SLFN5: variants seen among roughly 807,000 people sequenced by gnomAD.
The protein encoded by SLFN5 is schlafen family member 5.
In SLFN5, 34 loss-of-function variants were observed where a neutral mutation model predicts 48.5. The ratio of observed to expected loss-of-function variants is 0.70; its 90% CI spans 0.53 to 0.93. The LOEUF (loss-of-function observed/expected upper bound fraction) is 0.93. Ranked by LOEUF, SLFN5 falls within the 40% of genes least tolerant of loss-of-function variation. The probability of loss-of-function intolerance (pLI) is 0.00; values close to 1 mark genes in which losing one functional copy is unlikely to be tolerated. For synonymous variants in SLFN5, 387 were observed against 396.2 expected (o/e 0.98, Z 0.28); for missense variants, 1,006 against 1,071.3 (o/e 0.94, Z 0.85).
intron 3 of SLFN5, among the ~76,000 whole-genome samples, chr17:35,262,156 G>A (rs1904538962): frequency 3.3e-5 from 5 of 152,080 alleles, no homozygotes; most frequent in South Asian, 4.2e-4. Flanking sequence ...CAATGCAGGC[G>A]GATCACAAGG....
rs989712190 is a variant in SLFN5 at position 35,243,079 on chromosome 17, C to G, written c.-105C>G. ...ATCCCGCCGGGTCAGGTTCTCTGCT[C>G]TGGACTTGGGAGGCTCCGTTGCCTG... is the stretch of plus-strand genomic sequence containing the variant. On this transcript the variant is annotated 5_prime_UTR_variant, in exon 1 of 5. Coordinates refer to ENST00000299977, the MANE Select transcript of SLFN5 (RefSeq NM_144975.4). 6.6e-6 allele frequency: 1 copy of G among 152,340 alleles called. No individual in the cohort carries two copies. The highest frequency in any genetic ancestry group is 2.4e-5 in the African/African-American group (1 of 41,468). 9.4% of individuals were successfully genotyped at this position (152,340 alleles called of 1,614,324 possible).
intron 1 of SLFN5, among the ~76,000 whole-genome samples, chr17:35,245,514 G>T (rs779861737): frequency 6.6e-6 from 1 of 152,136 alleles, no homozygotes; most frequent in Non-Finnish European, 1.5e-5. Context: ...GATAAGGGAG[G>T]ACTACTATAT....
At position 35,258,921 on chromosome 17, in the gene SLFN5, T is replaced by C; in HGVS notation, c.231T>C (p.Asp77=). 1 of 1,614,196 alleles carries C rather than the reference T, an allele frequency of 6.2e-7. No individual in the cohort carries two copies. The highest frequency in any genetic ancestry group is 8.5e-7 in the Non-Finnish European group (1 of 1,180,032). ...YNYERHGVGL[D]VPPIFRSHLD... is the part of the protein sequence containing the mutation. ...ATGAACGTCATGGAGTAGGATTGGA[T>C]GTGCCTCCAATTTTCAGAAGCCATT... Residue 77 remains aspartate, a synonymous_variant, in exon 2 of 5, where the codon GAT becomes GAC. Coordinates refer to ENST00000299977, the MANE Select transcript of SLFN5 (RefSeq NM_144975.4).
intron 3 of SLFN5, among the ~76,000 whole-genome samples, chr17:35,261,421 G>C (rs751800522): frequency 1.8e-4 from 28 of 151,852 alleles, no homozygotes; most frequent in Non-Finnish European, 3.8e-4. Flanking sequence ...TGTAATCCCA[G>C]CACTTTGGGA....
intron 1 of SLFN5, among the ~76,000 whole-genome samples, chr17:35,245,172 T>C (rs1276706626): frequency 6.6e-6 from 1 of 152,248 alleles, no homozygotes; most frequent in African/African-American, 2.4e-5. Context: ...AAGAAAGGCT[T>C]TTCTTTGGCA....
In SLFN5 at chr17:35,259,479, T is replaced by C. The variant is rs750142803; in HGVS notation, c.789T>C (p.Pro263=). 6.2e-7 allele frequency: 1 copy of C among 1,614,132 alleles called. No homozygotes were observed. The highest frequency in any genetic ancestry group is 1.7e-5 in the Admixed American group (1 of 60,008). ...ASIDGCIKKL[P]VHHFCTQRPE... ...TTGATGGCTGTATTAAGAAGCTACCTGTCCATCATTTCTGCACACAGAGGC... is the reference window on the plus strand; with the variant it reads ...TTGATGGCTGTATTAAGAAGCTACCCGTCCATCATTTCTGCACACAGAGGC... The change falls in exon 2 of 5, where the codon CCT becomes CCC. Residue 263 remains proline, a synonymous_variant. Transcript: ENST00000299977.
rs1201764708 is a variant in SLFN5 at position 35,266,285 on chromosome 17, G to A, written c.*397G>A. ...GAACTTGTCATGAGAATCTCTGAGC[G>A]TGCCAGGCAGACTCGGATATTTTTA... On this transcript the variant is annotated 3_prime_UTR_variant, in exon 5 of 5. Coordinates refer to ENST00000299977, the MANE Select transcript of SLFN5 (RefSeq NM_144975.4). The A allele has an allele frequency of 2.5e-5, 4 of 158,180 alleles. No homozygotes were observed. The highest frequency in any genetic ancestry group is 2.4e-5 in the African/African-American group (1 of 41,632). The allele number at this position is 158,180 out of a possible 1,614,324, so 9.8% of individuals were successfully genotyped here.
Position 35,265,528 on chromosome 17 carries a change from T to C in SLFN5, c.2316T>C (p.Tyr772=), listed in dbSNP as rs754876125. ...EDLNLEEILI[Y]VANKCRFLLR... ...TGAACTTGGAGGAGATACTGATCTA[T>C]GTAGCGAATAAATGCCGTTTTCTCT... Residue 772 remains tyrosine (Y), a synonymous_variant, in exon 5 of 5, where the codon TAT becomes TAC. Coordinates refer to ENST00000299977, the MANE Select transcript of SLFN5 (RefSeq NM_144975.4). 3.1e-6 allele frequency: 5 copies of C among 1,614,264 alleles called. No homozygotes were observed. The highest frequency in any genetic ancestry group is 1.1e-5 in the South Asian group (1 of 91,084).
rs1475067726 is a variant in SLFN5 at position 35,265,993 on chromosome 17, T to A, written c.*105T>A. The A allele has an allele frequency of 4.0e-6, 5 of 1,247,692 alleles. No homozygotes were observed. The highest frequency in any genetic ancestry group is 5.5e-6 in the Non-Finnish European group (5 of 916,032). 77.3% of individuals were successfully genotyped at this position (1,247,692 alleles called of 1,614,324 possible). A position where few individuals can be genotyped will look rare whatever the true frequency, so the allele number is the denominator to read the frequency against. On this transcript the variant is annotated 3_prime_UTR_variant, in exon 5 of 5. Transcript: ENST00000299977. ...GCACACACTCACTTATTAAGTCACA[T>A]ACTTTTCTAGGTGCTGGGGATTGAG...
rs1461491810 is a variant in SLFN5 at position 35,264,284 on chromosome 17, T to G, written c.1240T>G (p.Phe414Val). The G allele has an allele frequency of 1.2e-6, 2 of 1,614,060 alleles. No homozygotes were observed. Among genetic ancestry groups the G allele is most frequent in the Admixed American group, 1.7e-5 (1 of 60,000 alleles). ...CTTAATAAATACAGAAATGCGCCCT[T>G]TCTCTCAAGGAATATTGATTTTTTC... ...RDLINTEMRP[F>V]SQGILIFSQS... The change falls in exon 4 of 5, where the codon TTC becomes GTC. Residue 414 changes from phenylalanine (F) to valine (V), a missense_variant. Physicochemically the swap from Phe to Val is conservative, Grantham distance 50. Transcript: ENST00000299977.
chr17:35,257,286 G>A (rs931194756), intron 1 of SLFN5, among the ~76,000 whole-genome samples: 3 of 152,114 alleles, frequency 2.0e-5, no homozygotes, highest in Non-Finnish European at 4.4e-5. Context: ...TTTGGGGTAC[G>A]AAATCACCTT....
rs1202183817 is a variant in SLFN5, at chr17:35,265,829, C to G, written c.2617C>G (p.Leu873Val). 6.2e-7 allele frequency: 1 copy of G among 1,614,058 alleles called. No individual in the cohort carries two copies. The highest frequency in any genetic ancestry group is 1.7e-5 in the Admixed American group (1 of 59,984). ...CCCACCGGCTGGGGCCTACAATCTT[C>G]TGCTCTGTTTGGCTTCTAGGGCAAA... ...VAPPAGAYNL[L>V]LCLASRAKRH... The change falls in exon 5 of 5, where the codon CTG becomes GTG. Residue 873 changes from leucine (L) to valine (V), a missense_variant. Coordinates refer to ENST00000299977, the MANE Select transcript of SLFN5 (RefSeq NM_144975.4).
At chr17:35,262,113 G>T (rs1904538023) in intron 3 of SLFN5, among the ~76,000 whole-genome samples, 1 of 152,016 alleles carries the variant, frequency 6.6e-6, no homozygotes, top group Admixed American at 6.5e-5. Flanking sequence ...AGGCACAGTG[G>T]CTCAGGCCTG....
chr17:35,262,867 CA>C (rs1013908450), intron 3 of SLFN5, among the ~76,000 whole-genome samples: 13 of 151,760 alleles, frequency 8.6e-5, no homozygotes, highest in African/African-American at 2.4e-4. Flanking sequence ...CCGTCCCCCC[CA>C]AAAAAAAGTC....
At position 35,264,811 on chromosome 17, in the gene SLFN5, T is replaced by A. The variant is rs897238509; in HGVS notation, c.1767T>A (p.Leu589=). Residue 589 remains leucine, a synonymous_variant, in exon 4 of 5, where the codon CTT becomes CTA. Coordinates refer to ENST00000299977, the MANE Select transcript of SLFN5 (RefSeq NM_144975.4). ...LPGSGKTILA[L]RIMEKIRNVF... The stretch of plus-strand genomic sequence containing the variant: ...GATCAGGGAAGACTATCTTGGCTCT[T>A]AGGATCATGGAGAAGATCAGGAATG... 5.6e-6 allele frequency: 9 copies of A among 1,597,776 alleles called. No homozygotes were observed. The highest frequency in any genetic ancestry group is 7.7e-6 in the Non-Finnish European group (9 of 1,174,210).
chr17:35,265,534 G>T lies in SLFN5; in HGVS notation c.2322G>T (p.Ala774=). The change falls in exon 5 of 5, where the codon GCG becomes GCT. Residue 774 remains alanine (A), a synonymous_variant. Coordinates refer to ENST00000299977, the MANE Select transcript of SLFN5 (RefSeq NM_144975.4). ...LNLEEILIYV[A]NKCRFLLRNG... is the part of the protein sequence containing the mutation. The stretch of plus-strand genomic sequence containing the variant: ...TGGAGGAGATACTGATCTATGTAGC[G>T]AATAAATGCCGTTTTCTCTTGCGGA... The T allele has an allele frequency of 6.2e-7, 1 of 1,614,202 alleles. No individual in the cohort carries two copies. Among genetic ancestry groups the T allele is most frequent in the Non-Finnish European group, 8.5e-7 (1 of 1,180,044 alleles).
In SLFN5 at chr17:35,259,646, G is replaced by C; in HGVS notation, c.956G>C (p.Arg319Pro). Reference protein sequence around the residue: ...VPSSWQVKDNRVRQLPTREWT... With the variant: ...VPSSWQVKDNPVRQLPTREWT... ...AGTTCCTGGCAGGTGAAGGACAACC[G>C]TGTGAGACAATTGCCCACAAGAGAA... is the stretch of plus-strand genomic sequence containing the variant. Residue 319 changes from arginine to proline, a missense_variant, in exon 2 of 5, where the codon CGT (arginine) becomes CCT (proline). Transcript: ENST00000299977. The C allele has an allele frequency of 1.2e-6, 2 of 1,602,858 alleles. No individual in the cohort carries two copies. The highest frequency in any genetic ancestry group is 1.3e-5 in the African/African-American group (1 of 75,044).
chr17:35,259,217 T>G lies in SLFN5; in HGVS notation c.527T>G (p.Phe176Cys), dbSNP rs770925097. 1.2e-6 allele frequency: 2 copies of G among 1,614,018 alleles called. No individual in the cohort carries two copies. The highest frequency in any genetic ancestry group is 1.7e-5 in the Admixed American group (1 of 60,016). Residue 176 changes from phenylalanine (F) to cysteine (C), a missense_variant, in exon 2 of 5, where the codon TTT becomes TGT. Coordinates refer to ENST00000299977, the MANE Select transcript of SLFN5 (RefSeq NM_144975.4). ...ATAAATGTGTCAGCTGCTGCTTTATTTGATAGAAAGCGGCTTCAGTATCTG... is the reference window on the plus strand; with the variant it reads ...ATAAATGTGTCAGCTGCTGCTTTATGTGATAGAAAGCGGCTTCAGTATCTG... ...GNINVSAAAL[F>C]DRKRLQYLEK...
At chr17:35,250,500 A>T (rs896292621) in intron 1 of SLFN5, among the ~76,000 whole-genome samples, 3 of 152,152 alleles carry the variant, frequency 2.0e-5, no homozygotes, top group Non-Finnish European at 4.4e-5. Flanking sequence ...ACTAAAAAAA[A>T]ATATCAAAAA....
Sources: gnomAD v4.1 joint callset for allele counts (sites outside exome capture counted in the v4.1 genomes callset) on GRCh38, gnomAD v4.1.1 for gene constraint, MANE v1.5 for transcripts, NCBI Gene and HGNC (gene_info 2026-07-23, HGNC 2026-07-21) for gene names.